NEK7: variants seen among roughly 807,000 people sequenced by gnomAD.
NEK7 encodes NIMA related kinase 7.
In NEK7, 18 loss-of-function variants were observed where a neutral mutation model predicts 44.6. That is an observed-to-expected ratio of 0.40 (90% CI 0.28 to 0.60). NEK7 has a LOEUF of 0.60. Among genes scored for constraint, NEK7 ranks in the 20% least tolerant of loss-of-function variants. The pLI is 0.38. For synonymous variants in NEK7, 130 were observed against 121.1 expected (o/e 1.07, Z -0.48); for missense variants, 256 against 366.5 (o/e 0.70, Z 2.46).
intron 9 of NEK7, among the ~76,000 whole-genome samples, chr1:198,303,877 A>G (rs911777895): frequency 1.3e-5 from 2 of 152,160 alleles, no homozygotes; most frequent in Non-Finnish European, 2.9e-5. Flanking sequence ...AATAAAATCA[A>G]TAATATATAA....
intron 7 of NEK7, among the ~76,000 whole-genome samples, chr1:198,281,633 A>G (rs1190295538): frequency 1.3e-5 from 2 of 152,112 alleles, no homozygotes; most frequent in Non-Finnish European, 2.9e-5. Context: ...GATTTTAAAA[A>G]CATCTTATGC....
At chr1:198,295,849 T>C (rs1278647436) in intron 8 of NEK7, among the ~76,000 whole-genome samples, 1 of 150,664 alleles carries the variant, frequency 6.6e-6, no homozygotes, top group Admixed American at 6.6e-5. Context: ...TTGTGGTTCT[T>C]TTAGAAATTT....
intron 3 of NEK7, among the ~76,000 whole-genome samples, chr1:198,261,684 T>C (rs1020440346): frequency 1.3e-5 from 2 of 151,970 alleles, no homozygotes; most frequent in Admixed American, 6.6e-5. Context: ...CTCTAAGATA[T>C]TGCTTTTTTA....
At position 198,321,924 on chromosome 1, in the gene NEK7, T is replaced by G. The variant is rs1655545423; in HGVS notation, c.*2402T>G. Reference sequence around the variant, plus strand: ...ATCTATTCTAAACCTTATTTAGACATTGGTACCAGTTACCCAGGTGAAAAT... The same window carrying G: ...ATCTATTCTAAACCTTATTTAGACAGTGGTACCAGTTACCCAGGTGAAAAT... On this transcript the variant is annotated 3_prime_UTR_variant, in exon 10 of 10. Transcript: ENST00000367385. The G allele has an allele frequency of 6.6e-6, 1 of 152,172 alleles. No individual in the cohort carries two copies. Among genetic ancestry groups the G allele is most frequent in the South Asian group, 2.1e-4 (1 of 4,828 alleles). 9.4% of individuals were successfully genotyped at this position (152,172 alleles called of 1,614,324 possible). A position where few individuals can be genotyped will look rare whatever the true frequency, so the allele number is the denominator to read the frequency against.
chr1:198,260,420 T>G (rs562318998), intron 3 of NEK7, among the ~76,000 whole-genome samples: 1 of 152,180 alleles, frequency 6.6e-6, no homozygotes, highest in South Asian at 2.1e-4. Context: ...CTTTCCTTTT[T>G]TTTTTTTAAC....
chr1:198,292,317 A>G (rs919270314), intron 7 of NEK7, among the ~76,000 whole-genome samples: 7 of 152,068 alleles, frequency 4.6e-5, no homozygotes, highest in Non-Finnish European at 7.4e-5. Context: ...GTCTCTAAAA[A>G]GGTCTCAGTA....
intron 7 of NEK7, among the ~76,000 whole-genome samples, chr1:198,290,185 A>G (rs796084469): frequency 3.3e-4 from 50 of 152,316 alleles, no homozygotes; most frequent in African/African-American, 1.0e-3. Flanking sequence ...GTGGAATTAC[A>G]TGTGCTGTAG....
intron 1 of NEK7, among the ~76,000 whole-genome samples, chr1:198,193,973 T>A (rs1261938007): frequency 6.6e-6 from 1 of 152,120 alleles, no homozygotes; most frequent in East Asian, 1.9e-4. Context: ...GCCAGGGCAA[T>A]CAGGCAAGAG....
intron 7 of NEK7, among the ~76,000 whole-genome samples, chr1:198,286,045 G>T (rs761311626): frequency 3.3e-5 from 5 of 152,018 alleles, no homozygotes; most frequent in Non-Finnish European, 5.9e-5. Flanking sequence ...CTTTTCTCTG[G>T]ATCAATAAAT....
rs567454784 is a variant in NEK7, at chr1:198,222,367, C to T, written c.-28-10186C>T. 2.6e-5 allele frequency among the ~76,000 whole-genome samples: 4 copies of T among 152,210 alleles called. No individual in the cohort carries two copies. In the East Asian group the frequency reaches 7.7e-4, roughly 29 times the overall value. On this transcript the variant is annotated intron_variant, in intron 1 of 9. Transcript: ENST00000367385. The stretch of plus-strand genomic sequence containing the variant: ...CAAGACAATATATTGAACTCCCCTT[C>T]CCCCAAAGAAATTTGAATATTATAA...
At chr1:198,260,740 A>G (rs1339717344) in intron 3 of NEK7, among the ~76,000 whole-genome samples, 1 of 152,064 alleles carries the variant, frequency 6.6e-6, no homozygotes, top group African/African-American at 2.4e-5. Context: ...TGCAGAACGT[A>G]AATTTGATAC....
intron 7 of NEK7, among the ~76,000 whole-genome samples, chr1:198,286,966 C>A (rs1654390333): frequency 1.3e-5 from 2 of 152,154 alleles, no homozygotes; most frequent in Admixed American, 6.5e-5. Context: ...CTAGGGTAAT[C>A]TTCCTATTAT....
chr1:198,225,642 T>C (rs1170408516), intron 1 of NEK7, among the ~76,000 whole-genome samples: 1 of 152,236 alleles, frequency 6.6e-6, no homozygotes, highest in Non-Finnish European at 1.5e-5. Flanking sequence ...TTTAGATTAA[T>C]CTTTTGCTAC....
At chr1:198,250,344 A>G (rs376900240) in intron 2 of NEK7, among the ~76,000 whole-genome samples, 31 of 151,794 alleles carry the variant, frequency 2.0e-4, no homozygotes, top group Admixed American at 8.5e-4. Context: ...TTTGGCTTAG[A>G]ATTGACTTGG....
At position 198,319,704 on chromosome 1, in the gene NEK7, C is replaced by A; in HGVS notation, c.*182C>A. On this transcript the variant is annotated 3_prime_UTR_variant, in exon 10 of 10. Transcript: ENST00000367385. Reference sequence around the variant, plus strand: ...ACCTAAATCACCTCCTTGCAACCCCCAAATGACTTTGGAATAACTGAATTG... The same window carrying A: ...ACCTAAATCACCTCCTTGCAACCCCAAAATGACTTTGGAATAACTGAATTG... 1 of 544,474 alleles carries A rather than the reference C, an allele frequency of 1.8e-6. No individual in the cohort carries two copies. Among genetic ancestry groups the A allele is most frequent in the Non-Finnish European group, 2.9e-6 (1 of 349,188 alleles). The allele number at this position is 544,474 out of a possible 1,614,324, so 33.7% of individuals were successfully genotyped here. A position where few individuals can be genotyped will look rare whatever the true frequency, so the allele number is the denominator to read the frequency against.
chr1:198,258,097 G>A (rs577266713), intron 3 of NEK7, among the ~76,000 whole-genome samples: 10 of 152,166 alleles, frequency 6.6e-5, no homozygotes, highest in East Asian at 1.9e-4. Flanking sequence ...AAATTTAAGC[G>A]TAGGTGGAGG....
In NEK7 at chr1:198,157,254, A is replaced by G. The variant is rs1663919104; in HGVS notation, c.-51A>G. ...GCCCAAGGTCTCTCGCGGGCGGGAG[A>G]ACGGAAAACTCCCAACTTCCTGGTG... On this transcript the variant is annotated 5_prime_UTR_variant, in exon 1 of 10. Coordinates refer to ENST00000367385, the MANE Select transcript of NEK7 (RefSeq NM_133494.3). 6.6e-6 allele frequency: 1 copy of G among 151,620 alleles called. No homozygotes were observed. Among genetic ancestry groups the G allele is most frequent in the Admixed American group, 6.6e-5 (1 of 15,248 alleles). 9.4% of individuals were successfully genotyped at this position (151,620 alleles called of 1,614,324 possible).
chr1:198,225,631 T>G (rs141198812), intron 1 of NEK7, among the ~76,000 whole-genome samples: 1 of 152,312 alleles, frequency 6.6e-6, no homozygotes, highest in African/African-American at 2.4e-5. Flanking sequence ...ACTTGTCTAT[T>G]TTTAGATTAA....
intron 2 of NEK7, among the ~76,000 whole-genome samples, chr1:198,248,927 A>G (rs890707551): frequency 3.9e-5 from 6 of 151,992 alleles, no homozygotes; most frequent in East Asian, 1.9e-4. Flanking sequence ...TTTAGGGTAC[A>G]TGTGCACAAT....
Sources: allele counts gnomAD v4.1 joint callset (sites outside exome capture counted in the v4.1 genomes callset), GRCh38; gene constraint gnomAD v4.1.1; transcripts MANE v1.5; gene names NCBI Gene and HGNC (gene_info 2026-07-23, HGNC 2026-07-21).